COBL: variants seen among roughly 807,000 people sequenced by gnomAD.
COBL encodes protein cordon-bleu.
COBL carries 51 observed loss-of-function variants against 98.8 expected under a neutral mutation model. The observed-to-expected ratio is 0.52, with a 90% confidence interval of 0.41 to 0.65. The LOEUF is 0.65. Among genes scored for constraint, COBL ranks in the 30% least tolerant of loss-of-function variants. The pLI is 0.00. For synonymous variants in COBL, 634 were observed against 651.7 expected, an observed-to-expected ratio of 0.97 and a Z score of 0.41; for missense variants, 1,617 against 1,617.5, an observed-to-expected ratio of 1.00 and a Z score of 0.01.
At chr7:51,287,758 TAAAC>T in intron 1 of COBL, among the ~76,000 whole-genome samples, 1 of 151,442 alleles carries the variant, frequency 6.6e-6, no homozygotes, top group Non-Finnish European at 1.5e-5. Context: ...GGTGGATGGG[TAAAC>T]AAACAGTGGT....
chr7:51,147,463 C>T (rs1379642232), intron 5 of COBL, among the ~76,000 whole-genome samples: 3 of 152,148 alleles, frequency 2.0e-5, no homozygotes, highest in East Asian at 1.9e-4. Flanking sequence ...TAACCTGACG[C>T]GTTCACCTTA....
chr7:51,293,756 T>C (rs1416953974), intron 1 of COBL, among the ~76,000 whole-genome samples: 1 of 152,092 alleles, frequency 6.6e-6, no homozygotes, highest in Non-Finnish European at 1.5e-5. Flanking sequence ...AAGAAATTCA[T>C]CCATAAGTGA....
Position 51,028,625 on chromosome 7 carries a change from T to C in COBL, c.2471A>G (p.Glu824Gly). The C allele has an allele frequency of 6.2e-7, 1 of 1,613,550 alleles. No homozygotes were observed. The highest frequency in any genetic ancestry group is 8.5e-7 in the Non-Finnish European group (1 of 1,179,724). The change falls in exon 10 of 13, where the codon GAG (glutamate) becomes GGG (glycine). Residue 824 changes from glutamate (E) to glycine (G), a missense_variant. Around this residue, in one of 3 missense-constraint regions of COBL, gnomAD observed 1,304 missense variants for 1,282.0 expected, o/e 1.02. Transcript: ENST00000265136. ...CCCCTCCCCTAGGGGGTTCCGGCCC[T>C]CATGGTGGGCAGACTTCTGCTGGGG... is the stretch of plus-strand genomic sequence containing the variant. ...ISPQQKSAHH[E>G]GRNPLGEGRN...
chr7:51,150,827 G>A (rs78018977), intron 5 of COBL, among the ~76,000 whole-genome samples: 14,892 of 152,128 alleles, frequency 0.098, 978 homozygotes, highest in Middle Eastern at 0.16. Context: ...TGGGGAGAGT[G>A]CTCTATTTTT....
intron 1 of COBL, among the ~76,000 whole-genome samples, chr7:51,230,455 C>T (rs1794636826): frequency 6.6e-6 from 1 of 152,148 alleles, no homozygotes; most frequent in Non-Finnish European, 1.5e-5. Flanking sequence ...TTACCCCGTT[C>T]CTGCTCCACT....
At chr7:51,227,408 A>G (rs56369415) in intron 1 of COBL, among the ~76,000 whole-genome samples, 6,241 of 152,132 alleles carry the variant, frequency 0.041, 334 homozygotes, top group South Asian at 0.15. Context: ...GCTGGAACAG[A>G]CCCCAGATTA....
At chr7:51,236,974 T>C (rs1020513055) in intron 1 of COBL, among the ~76,000 whole-genome samples, 7 of 152,194 alleles carry the variant, frequency 4.6e-5, no homozygotes, top group Admixed American at 4.6e-4. Context: ...CCACCTCATT[T>C]GGTTCTGTGT....
chr7:51,082,798 A>G (rs1793799456), intron 7 of COBL, among the ~76,000 whole-genome samples: 1 of 152,216 alleles, frequency 6.6e-6, no homozygotes, highest in Non-Finnish European at 1.5e-5. Flanking sequence ...ACTGGCTCCT[A>G]GCTGACATCT....
Position 51,029,196 on chromosome 7 carries a change from A to C in COBL, c.1900T>G (p.Phe634Val). 3 of 1,614,100 alleles carry C rather than the reference A, an allele frequency of 1.9e-6. No homozygotes were observed. In the South Asian group the frequency reaches 3.3e-5, roughly 18 times the overall value. The change falls in exon 10 of 13, where the codon TTT becomes GTT. Residue 634 changes from phenylalanine to valine, a missense_variant. Physicochemically the swap from Phe to Val is conservative, Grantham distance 50 (BLOSUM62 -1). Coordinates refer to ENST00000265136, the MANE Select transcript of COBL (RefSeq NM_015198.5). ...LMETAPRVTS[F>V]ASNLHTDNLN... ...TTGTCTGTGTGAAGATTCGAAGCAA[A>C]AGAAGTCACCCTGGGCGCCGTTTCC...
rs564697815 is a variant in COBL at position 51,203,377 on chromosome 7, G to C, written c.246-9788C>G. ...CTCGGGAGGCTGAGGCAGGAGAATG[G>C]CGTGAACCCGGGAGGCGGAGCTTGC... On this transcript the variant is annotated intron_variant, in intron 2 of 12. Transcript: ENST00000265136. Among the ~76,000 whole-genome samples the C allele has an allele frequency of 6.5e-3, 819 of 125,242 alleles. 43 individuals are homozygous for C. Among genetic ancestry groups the C allele is most frequent in the Middle Eastern group, 0.022 (5 of 232 alleles). The allele number at this position is 125,242 out of a possible 152,430, so 82.2% of individuals were successfully genotyped here.
chr7:51,044,577 T>C (rs1789515210), intron 7 of COBL, among the ~76,000 whole-genome samples: 1 of 152,254 alleles, frequency 6.6e-6, no homozygotes, highest in Non-Finnish European at 1.5e-5. Flanking sequence ...AAATAGATTT[T>C]AAACTTCAAG....
intron 5 of COBL, among the ~76,000 whole-genome samples, chr7:51,182,652 A>AGG (rs60646368): frequency 1.3e-5 from 2 of 148,930 alleles, no homozygotes; most frequent in Admixed American, 1.3e-4. Flanking sequence ...GAGGGAGAGT[A>AGG]GGGGGGAAGA....
rs141896972 is a variant in COBL, at chr7:51,196,890, G to C, written c.246-3301C>G. 3.3e-3 allele frequency among the ~76,000 whole-genome samples: 507 copies of C among 151,366 alleles called. 4 individuals are homozygous for C. Among genetic ancestry groups the C allele is most frequent in the African/African-American group, 0.012 (486 of 41,316 alleles). On this transcript the variant is annotated intron_variant, in intron 2 of 12. Coordinates refer to ENST00000265136, the MANE Select transcript of COBL (RefSeq NM_015198.5). ...GGTGACACCTCACTTGCTATTTCTG[G>C]TTGTGTTTATATACATCTCCTCTCT...
At chr7:51,240,959 G>C (rs771471817) in intron 1 of COBL, among the ~76,000 whole-genome samples, 1 of 152,192 alleles carries the variant, frequency 6.6e-6, no homozygotes, top group African/African-American at 2.4e-5. Flanking sequence ...GGCTATCCCA[G>C]AGGTACTGAT....
At position 51,269,708 on chromosome 7, in the gene COBL, G is replaced by A. The variant is rs543887700; in HGVS notation, c.41+46885C>T. 4.8e-4 allele frequency among the ~76,000 whole-genome samples: 73 copies of A among 152,362 alleles called. 1 individual carries two copies. The highest frequency in any genetic ancestry group is 7.8e-4 in the Admixed American group (12 of 15,312). On this transcript the variant is annotated intron_variant, in intron 1 of 12. Coordinates refer to ENST00000265136, the MANE Select transcript of COBL (RefSeq NM_015198.5). Reference sequence around the variant, plus strand: ...GACCCTGTATTTTATGAAGGCCAGAGTGAGGAAAGGGAAACTGCTTTTCTA... The same window carrying A: ...GACCCTGTATTTTATGAAGGCCAGAATGAGGAAAGGGAAACTGCTTTTCTA...
chr7:51,282,761 A>G (rs1459181750), intron 1 of COBL, among the ~76,000 whole-genome samples: 1 of 152,122 alleles, frequency 6.6e-6, no homozygotes, highest in Non-Finnish European at 1.5e-5. Context: ...TCAACAGCAA[A>G]TAGAACACTA....
chr7:51,099,535 T>C (rs4948190), intron 6 of COBL, among the ~76,000 whole-genome samples: 60,173 of 152,030 alleles, frequency 0.4, 12,392 homozygotes, highest in African/African-American at 0.51. Flanking sequence ...ACATGAGCTA[T>C]ATAAAGTAGT....
chr7:51,262,545 G>A (rs867541349), intron 1 of COBL, among the ~76,000 whole-genome samples: 3 of 152,174 alleles, frequency 2.0e-5, no homozygotes, highest in African/African-American at 4.8e-5. Context: ...TAGTAAGAGC[G>A]CACAGGAAGG....
At chr7:51,169,253 TC>T (rs1250965895) in intron 5 of COBL, among the ~76,000 whole-genome samples, 2 of 152,108 alleles carry the variant, frequency 1.3e-5, no homozygotes, top group African/African-American at 4.8e-5. Flanking sequence ...GAGCTGGAAG[TC>T]CCCCAACACC....
Sources: gnomAD v4.1 joint callset for allele counts (sites outside exome capture counted in the v4.1 genomes callset) on GRCh38, gnomAD v4.1.1 for gene constraint, gnomAD v4.1.1 regional missense constraint, MANE v1.5 for transcripts, NCBI Gene and HGNC (gene_info 2026-07-23, HGNC 2026-07-21) for gene names.